Variants in DAB2IP observed in about 807,000 individuals in gnomAD.
DAB2IP encodes the protein DAB2 interacting protein.
In DAB2IP, 28 loss-of-function variants were observed where a neutral mutation model predicts 107.2. That is an observed-to-expected ratio of 0.26 (90% confidence interval 0.19 to 0.36). The LOEUF (loss-of-function observed/expected upper bound fraction) is 0.36. Among genes scored for constraint, DAB2IP ranks in the 10% least tolerant of loss-of-function variants. DAB2IP has a pLI of 1.00. For missense variants in DAB2IP, 1,400 were observed against 1,644.7 expected (o/e 0.85, Z 2.57); for synonymous variants, 755 against 706.4 (o/e 1.07, Z -1.09).
intron 1 of DAB2IP, among the ~76,000 whole-genome samples, chr9:121,677,582 G>T (rs1400216932): frequency 6.6e-6 from 1 of 152,148 alleles, no homozygotes; most frequent in Non-Finnish European, 1.5e-5. Context: ...CCAGGAGATG[G>T]CTCAGTTATC....
chr9:121,751,556 G>A (rs990575405), intron 3 of DAB2IP, among the ~76,000 whole-genome samples: 8 of 152,216 alleles, frequency 5.3e-5, no homozygotes, highest in South Asian at 2.1e-4. Flanking sequence ...GAATGGACAG[G>A]CTCAGGAGAC....
chr9:121,644,182 G>C (rs1426974300), intron 1 of DAB2IP, among the ~76,000 whole-genome samples: 1 of 147,910 alleles, frequency 6.8e-6, no homozygotes, highest in African/African-American at 2.5e-5. Flanking sequence ...AAAAGAAGAA[G>C]AAGAGGAGGA....
At chr9:121,588,160 C>A (rs768236268) in intron 1 of DAB2IP, among the ~76,000 whole-genome samples, 19 of 152,144 alleles carry the variant, frequency 1.2e-4, no homozygotes, top group Non-Finnish European at 2.5e-4. Context: ...AGCGGCAAAC[C>A]TTACTTCTGG....
At chr9:121,742,399 A>G (rs10217679) in intron 3 of DAB2IP, among the ~76,000 whole-genome samples, 27,287 of 152,228 alleles carry the variant, frequency 0.18, 2,769 homozygotes, top group East Asian at 0.42. Context: ...GTTGCACTCC[A>G]GCCTGGGCAA....
chr9:121,664,565 CAG>C (rs1467349749), intron 1 of DAB2IP, among the ~76,000 whole-genome samples: 6 of 152,220 alleles, frequency 3.9e-5, no homozygotes, highest in Non-Finnish European at 7.3e-5. Flanking sequence ...TGTCTCTCAG[CAG>C]AGTTTCTGAG....
exon 9 of DAB2IP, chr9:121,766,559 G>A (rs757804050): frequency 2.8e-5 from 45 of 1,613,192 alleles, no homozygotes; most frequent in Middle Eastern, 3.3e-4. Flanking sequence ...AGTCGCGGCC[G>A]CCCGGACATC....
At chr9:121,777,021 G>A (rs1835248759) in intron 14 of DAB2IP, among the ~76,000 whole-genome samples, 2 of 152,134 alleles carry the variant, frequency 1.3e-5, no homozygotes, top group Admixed American at 6.5e-5. Context: ...CTTTTTGAAG[G>A]CTTATGTCAG....
chr9:121,683,399 C>G (rs944755878), intron 2 of DAB2IP, among the ~76,000 whole-genome samples: 8 of 152,172 alleles, frequency 5.3e-5, no homozygotes, highest in Admixed American at 2.0e-4. Flanking sequence ...GCCCCCACCC[C>G]CCTCCCATCA....
intron 1 of DAB2IP, among the ~76,000 whole-genome samples, chr9:121,676,453 A>T (rs7875955): frequency 3.9e-5 from 6 of 152,036 alleles, no homozygotes; most frequent in Non-Finnish European, 8.8e-5. Context: ...TCTGGGCATT[A>T]CCGTCTCACT....
chr9:121,770,522 C>G, intron 10 of DAB2IP, 24 bp from the exon 11 acceptor site: 1 of 1,606,800 alleles, frequency 6.2e-7, no homozygotes. Context: ...GAGGTCACAC[C>G]TGCCTCTTGC....
intron 1 of DAB2IP, among the ~76,000 whole-genome samples, chr9:121,580,246 A>G (rs967383992): frequency 1.3e-5 from 2 of 152,176 alleles, no homozygotes; most frequent in Non-Finnish European, 2.9e-5. Flanking sequence ...GAGGGGAAGC[A>G]CGCACCCAGG....
chr9:121,668,763 G>A (rs1355665065), intron 1 of DAB2IP, among the ~76,000 whole-genome samples: 2 of 152,118 alleles, frequency 1.3e-5, no homozygotes, highest in Non-Finnish European at 2.9e-5. Context: ...TCTCCAAAGA[G>A]AACGTCTGAT....
rs1053962148 is a variant in DAB2IP at position 121,684,209 on chromosome 9, A to G, written c.228+5428A>G. ...GGGTGACCCTCCCGCCCATGTCACC[A>G]TGGAAAGGCTGTTGGAAATTAACTG... On this transcript the variant is annotated intron_variant, in intron 2 of 15. Coordinates refer to ENST00000408936, the Ensembl canonical transcript of DAB2IP. This position sits in a 1 kb window ranked among gnomAD's most constrained non-coding sequence, Gnocchi z 4.0. 1.8e-4 allele frequency among the ~76,000 whole-genome samples: 28 copies of G among 152,266 alleles called. No homozygotes were observed. The highest frequency in any genetic ancestry group is 6.5e-4 in the African/African-American group (27 of 41,542).
intron 1 of DAB2IP, among the ~76,000 whole-genome samples, chr9:121,632,810 C>T (rs1414928367): frequency 1.3e-5 from 2 of 152,206 alleles, no homozygotes; most frequent in South Asian, 4.1e-4. Context: ...TGTGAGTGAG[C>T]GCTGGAGCCT....
chr9:121,617,158 C>T (rs538612910), intron 1 of DAB2IP, among the ~76,000 whole-genome samples: 29 of 152,210 alleles, frequency 1.9e-4, no homozygotes, highest in Non-Finnish European at 2.9e-4. Flanking sequence ...AACCCTATCT[C>T]TACTAAAAGT....
intron 1 of DAB2IP, among the ~76,000 whole-genome samples, chr9:121,638,844 C>A (rs368353304): frequency 6.6e-6 from 1 of 152,186 alleles, no homozygotes; most frequent in African/African-American, 2.4e-5. Flanking sequence ...ATTTGGAGCT[C>A]TGAAGAGCCC....
rs761093195 is a variant in DAB2IP, at chr9:121,588,152, C to T, written c.40+20924C>T. On this transcript the variant is annotated intron_variant, in intron 1 of 16. Coordinates refer to the DAB2IP transcript ENST00000259371. Reference sequence around the variant, plus strand: ...TTTTACTATCTACCCATCCCCTTAGCGGCAAACCTTACTTCTGGCTGCATA... The same window carrying T: ...TTTTACTATCTACCCATCCCCTTAGTGGCAAACCTTACTTCTGGCTGCATA... Among the ~76,000 whole-genome samples the T allele has an allele frequency of 9.2e-5, 14 of 152,124 alleles. No homozygotes were observed. The East Asian group carries it at 1.5e-3, about 17-fold the overall frequency.
intron 1 of DAB2IP, among the ~76,000 whole-genome samples, chr9:121,602,276 G>A (rs1830707927): frequency 6.6e-6 from 1 of 152,178 alleles, no homozygotes; most frequent in Non-Finnish European, 1.5e-5. Flanking sequence ...GCTGACGGGA[G>A]CCCTGGTGAA....
chr9:121,687,486 T>C (rs1047800432), intron 2 of DAB2IP, among the ~76,000 whole-genome samples: 1 of 152,188 alleles, frequency 6.6e-6, no homozygotes, highest in Non-Finnish European at 1.5e-5. Flanking sequence ...TATAGGCACC[T>C]GTTCCACCTA....
Sources: gnomAD v4.1 joint callset for allele counts (sites outside exome capture counted in the v4.1 genomes callset) on GRCh38, gnomAD v4.1.1 for gene constraint, Gnocchi (gnomAD v3.1) non-coding constraint, MANE v1.5 for transcripts, NCBI Gene and HGNC (gene_info 2026-07-23, HGNC 2026-07-21) for gene names.